Variants in AGMO observed in about 807,000 individuals in gnomAD.
The protein encoded by AGMO is glyceryl-ether monooxygenase.
Under a neutral mutation model 60.2 loss-of-function variants are expected in AGMO, and 75 were observed. The ratio of observed to expected loss-of-function variants is 1.25; its 90% CI spans 1.03 to 1.51. The LOEUF (loss-of-function observed/expected upper bound fraction) is 1.51. Ranked by LOEUF, AGMO falls within the 40% of genes most tolerant of loss-of-function variation. AGMO has a pLI of 0.00. For synonymous variants in AGMO, 261 were observed against 177.1 expected, an observed-to-expected ratio of 1.47 and a Z score of -3.76; for missense variants, 763 against 525.5, an observed-to-expected ratio of 1.45 and a Z score of -4.42.
intron 3 of AGMO, among the ~76,000 whole-genome samples, chr7:15,500,577 CTT>C (rs1464731186): frequency 2.6e-5 from 4 of 151,808 alleles, no homozygotes; most frequent in African/African-American, 9.7e-5. Flanking sequence ...TCCCATAACT[CTT>C]TACCAATTTC....
intron 12 of AGMO, among the ~76,000 whole-genome samples, chr7:15,273,475 G>A (rs1010622168): frequency 4.6e-5 from 7 of 152,026 alleles, no homozygotes; most frequent in African/African-American, 1.2e-4. Flanking sequence ...TGTTCCACTG[G>A]TCTGTATCTC....
chr7:15,340,867 G>T (rs984356286), intron 12 of AGMO, among the ~76,000 whole-genome samples: 2 of 152,158 alleles, frequency 1.3e-5, no homozygotes, highest in Non-Finnish European at 1.5e-5. Flanking sequence ...GTGGAGCTGT[G>T]AGAAGAGGGC....
At chr7:15,121,542 T>C in the AGMO span, among the ~76,000 whole-genome samples, 20 of 152,334 alleles carry the variant, frequency 1.3e-4, no homozygotes, top group African/African-American at 4.6e-4. Context: ...TATCTCACTA[T>C]GGTTTTGATT....
chr7:15,456,434 A>C (rs1242852279), intron 3 of AGMO, among the ~76,000 whole-genome samples: 1 of 152,058 alleles, frequency 6.6e-6, no homozygotes, highest in East Asian at 1.9e-4. Flanking sequence ...GTTGGCTTTG[A>C]GAATGATTAG....
the AGMO span, among the ~76,000 whole-genome samples, chr7:15,136,556 T>C: frequency 2.0e-5 from 3 of 152,134 alleles, no homozygotes; most frequent in South Asian, 2.1e-4. Flanking sequence ...TAATAGTGTG[T>C]TGGTATTATG....
intron 4 of AGMO, among the ~76,000 whole-genome samples, chr7:15,422,758 G>A (rs371435533): frequency 1.8e-4 from 27 of 152,142 alleles, no homozygotes; most frequent in African/African-American, 6.5e-4. Context: ...GGAGGGGCAC[G>A]AAATTGCCAA....
the AGMO span, among the ~76,000 whole-genome samples, chr7:15,128,929 T>G: frequency 6.6e-6 from 1 of 152,070 alleles, no homozygotes; most frequent in African/African-American, 2.4e-5. Flanking sequence ...TGGCAGATAC[T>G]CAAAGGCAGT....
At chr7:15,465,338 CGT>C (rs1203694528) in intron 3 of AGMO, among the ~76,000 whole-genome samples, 1 of 149,628 alleles carries the variant, frequency 6.7e-6, no homozygotes, top group African/African-American at 2.4e-5. Flanking sequence ...TGTGTGTGTG[CGT>C]GTGTGTATAT....
intron 3 of AGMO, among the ~76,000 whole-genome samples, chr7:15,448,999 A>G (rs1781785027): frequency 6.6e-6 from 1 of 152,168 alleles, no homozygotes; most frequent in South Asian, 2.1e-4. Flanking sequence ...ATCCAGACCT[A>G]TTTGGCACCA....
At chr7:15,496,887 C>G (rs866014465) in intron 3 of AGMO, among the ~76,000 whole-genome samples, 1 of 152,142 alleles carries the variant, frequency 6.6e-6, no homozygotes, top group Admixed American at 6.5e-5. Context: ...TTCCAACCAG[C>G]CGAAACCTCT....
At chr7:15,548,594 A>G (rs1562567386) in intron 2 of AGMO, among the ~76,000 whole-genome samples, 2 of 152,254 alleles carry the variant, frequency 1.3e-5, no homozygotes, top group East Asian at 3.9e-4. Flanking sequence ...AATGAAATGA[A>G]GCGAGAAGGG....
chr7:15,194,441 TTTCAGAGAGTGCATA>T, the AGMO span, among the ~76,000 whole-genome samples: 91 of 152,268 alleles, frequency 6.0e-4, no homozygotes, highest in African/African-American at 2.1e-3. Flanking sequence ...TAATGATGCA[TTTCAGAGAGTGCATA>T]TGCCCTCTGC....
the AGMO span, among the ~76,000 whole-genome samples, chr7:15,146,689 G>A: frequency 2.6e-5 from 4 of 152,176 alleles, no homozygotes; most frequent in Admixed American, 6.5e-5. Context: ...CAGGGCACGA[G>A]AATTTAACCT....
the AGMO span, among the ~76,000 whole-genome samples, chr7:15,134,407 T>C: frequency 6.6e-6 from 1 of 152,072 alleles, no homozygotes; most frequent in African/African-American, 2.4e-5. Context: ...CTCCTGAGCG[T>C]ATGCAATACG....
At chr7:15,259,082 G>C (rs557548071) in intron 12 of AGMO, among the ~76,000 whole-genome samples, 1 of 151,932 alleles carries the variant, frequency 6.6e-6, no homozygotes, top group South Asian at 2.1e-4. Flanking sequence ...GCCAGAAAAA[G>C]AATTCAGAAA....
At chr7:15,217,521 G>A (rs1781777023) in intron 12 of AGMO, among the ~76,000 whole-genome samples, 1 of 151,864 alleles carries the variant, frequency 6.6e-6, no homozygotes, top group South Asian at 2.1e-4. Flanking sequence ...TAAGTTTAAA[G>A]GGATTAAAAA....
At chr7:15,377,361 A>AT in intron 10 of AGMO, among the ~76,000 whole-genome samples, 1 of 151,958 alleles carries the variant, frequency 6.6e-6, no homozygotes, top group East Asian at 1.9e-4. Context: ...CTTCGTCAAT[A>AT]TATCTACATG....
chr7:15,393,781 A>T (rs1360952266), intron 6 of AGMO, among the ~76,000 whole-genome samples: 2 of 152,202 alleles, frequency 1.3e-5, no homozygotes, highest in African/African-American at 4.8e-5. Context: ...CTGGGTCAAG[A>T]AGTAGCCTTT....
intron 12 of AGMO, among the ~76,000 whole-genome samples, chr7:15,241,993 A>G (rs756932021): frequency 1.3e-5 from 2 of 152,136 alleles, no homozygotes; most frequent in African/African-American, 2.4e-5. Flanking sequence ...CCTCAATCTT[A>G]TAAGTATGCC....
Sources: gnomAD v4.1 joint callset for allele counts (sites outside exome capture counted in the v4.1 genomes callset) on GRCh38, gnomAD v4.1.1 for gene constraint, MANE v1.5 for transcripts, NCBI Gene and HGNC (gene_info 2026-07-23, HGNC 2026-07-21) for gene names.